ASIC2: variants seen among roughly 807,000 people sequenced by gnomAD.
ASIC2 encodes the protein acid-sensing ion channel 2.
ASIC2 carries 25 observed loss-of-function variants against 57.3 expected under a neutral mutation model. That is an observed-to-expected ratio of 0.44 (90% CI 0.32 to 0.61). ASIC2 has a LOEUF of 0.61. Ranked by LOEUF, ASIC2 falls within the 20% of genes least tolerant of loss-of-function variation. The pLI is 0.06. For synonymous variants in ASIC2, 319 were observed against 307.5 expected (o/e 1.04, Z -0.39); for missense variants, 641 against 738.1 (o/e 0.87, Z 1.52).
chr17:33,739,900 AAG>A (rs1260230441), intron 1 of ASIC2, among the ~76,000 whole-genome samples: 2 of 151,300 alleles, frequency 1.3e-5, no homozygotes, highest in African/African-American at 4.8e-5. Context: ...GAAAAGAAAA[AAG>A]AGAAAGAAAG....
chr17:33,017,693 A>T lies in ASIC2; in HGVS notation c.1442-9T>A. The T allele has an allele frequency of 6.2e-7, 1 of 1,610,974 alleles. No homozygotes were observed. The highest frequency in any genetic ancestry group is 8.5e-7 in the Non-Finnish European group (1 of 1,177,354). ...CTGACCACCAATATCACCTGGAGAG[A>T]GAGGGAAAAGACCAAAGCTTTGCTT... On this transcript the variant is annotated splice_polypyrimidine_tract_variant and intron_variant, in intron 7 of 9. Coordinates refer to ENST00000225823, the MANE Select transcript of ASIC2 (RefSeq NM_183377.2).
chr17:33,198,102 C>T (rs1472239648), intron 1 of ASIC2, among the ~76,000 whole-genome samples: 2 of 152,172 alleles, frequency 1.3e-5, no homozygotes, highest in Non-Finnish European at 2.9e-5. Context: ...GTAATCCCAG[C>T]ACTTTGGGAG....
chr17:34,033,002 C>T (rs1315835324), intron 1 of ASIC2, among the ~76,000 whole-genome samples: 1 of 152,216 alleles, frequency 6.6e-6, no homozygotes, highest in Non-Finnish European at 1.5e-5. Context: ...CTCAGCTCTG[C>T]ACCAAGCGGA....
intron 1 of ASIC2, among the ~76,000 whole-genome samples, chr17:34,012,499 G>A (rs1225117477): frequency 6.6e-6 from 1 of 152,060 alleles, no homozygotes; most frequent in East Asian, 1.9e-4. Flanking sequence ...TGTGATTCTT[G>A]GTCTGCTTTA....
intron 1 of ASIC2, among the ~76,000 whole-genome samples, chr17:33,393,839 G>A (rs1188981183): frequency 6.6e-6 from 1 of 152,166 alleles, no homozygotes; most frequent in African/African-American, 2.4e-5. Flanking sequence ...CTTGACTGAG[G>A]CCATATGTTG....
chr17:33,703,296 C>T (rs1418801943), intron 1 of ASIC2, among the ~76,000 whole-genome samples: 1 of 150,324 alleles, frequency 6.7e-6, no homozygotes, highest in African/African-American at 2.5e-5. Flanking sequence ...AAAATAGAGA[C>T]TCTTTGGTAG....
intron 1 of ASIC2, among the ~76,000 whole-genome samples, chr17:33,359,787 A>T (rs1369445307): frequency 6.6e-6 from 1 of 152,128 alleles, no homozygotes; most frequent in Non-Finnish European, 1.5e-5. Context: ...GTGATGGGTG[A>T]TGCTCCAGCA....
At chr17:33,059,774 C>G (rs1332933051) in intron 3 of ASIC2, among the ~76,000 whole-genome samples, 2 of 152,250 alleles carry the variant, frequency 1.3e-5, no homozygotes, top group Non-Finnish European at 2.9e-5. Context: ...ACAGTCCCAT[C>G]AACAGTGTAA....
intron 1 of ASIC2, among the ~76,000 whole-genome samples, chr17:33,187,445 G>C (rs1333914599): frequency 6.6e-6 from 1 of 152,032 alleles, no homozygotes; most frequent in Non-Finnish European, 1.5e-5. Flanking sequence ...TACACTATAG[G>C]AACAAACAAG....
At chr17:33,949,536 G>A (rs1173450392) in intron 1 of ASIC2, among the ~76,000 whole-genome samples, 2 of 152,138 alleles carry the variant, frequency 1.3e-5, no homozygotes, top group Admixed American at 1.3e-4. Context: ...TGCTTTGGAT[G>A]TCTATGATTT....
intron 1 of ASIC2, chr17:34,071,955 T>G (rs1050036439): frequency 9.2e-5 from 14 of 152,236 alleles, no homozygotes; most frequent in African/African-American, 3.4e-4. Context: ...AAAAGTCACA[T>G]GGCAGGCGCA....
intron 1 of ASIC2, among the ~76,000 whole-genome samples, chr17:33,940,892 A>G (rs923226094): frequency 6.6e-6 from 1 of 152,198 alleles, no homozygotes; most frequent in African/African-American, 2.4e-5. Flanking sequence ...TCCCTAGAAA[A>G]CAGAAAGAAA....
intron 1 of ASIC2, among the ~76,000 whole-genome samples, chr17:33,126,223 C>G (rs767062718): frequency 1.4e-4 from 22 of 152,170 alleles, no homozygotes; most frequent in Non-Finnish European, 2.8e-4. Flanking sequence ...AGAGCACAGG[C>G]TTTTTTACTG....
At chr17:33,469,232 C>T (rs1309458041) in intron 1 of ASIC2, among the ~76,000 whole-genome samples, 1 of 152,164 alleles carries the variant, frequency 6.6e-6, no homozygotes, top group Non-Finnish European at 1.5e-5. Context: ...AGCGTCGAGA[C>T]CCATGGAGCA....
At chr17:33,728,759 T>A (rs1182219674) in intron 1 of ASIC2, among the ~76,000 whole-genome samples, 1 of 152,010 alleles carries the variant, frequency 6.6e-6, no homozygotes, top group East Asian at 1.9e-4. Flanking sequence ...CAGAGTAGAT[T>A]GAGTTGGGAA....
chr17:33,371,728 A>C (rs1209899967), intron 1 of ASIC2, among the ~76,000 whole-genome samples: 1 of 152,166 alleles, frequency 6.6e-6, no homozygotes, highest in Non-Finnish European at 1.5e-5. Flanking sequence ...GGGTGAAAAT[A>C]AAAGAGAAAA....
At chr17:33,428,213 A>G (rs1173424377) in intron 1 of ASIC2, among the ~76,000 whole-genome samples, 1 of 152,142 alleles carries the variant, frequency 6.6e-6, no homozygotes, top group East Asian at 1.9e-4. Flanking sequence ...AATTTGCTAT[A>G]TAGTATTAGA....
At chr17:33,547,530 C>G (rs1399734451) in intron 1 of ASIC2, among the ~76,000 whole-genome samples, 1 of 152,112 alleles carries the variant, frequency 6.6e-6, no homozygotes, top group East Asian at 1.9e-4. Context: ...AGTCTCTGGG[C>G]CATCACTCAG....
chr17:33,457,798 C>A (rs12947601), intron 1 of ASIC2, among the ~76,000 whole-genome samples: 7,190 of 152,230 alleles, frequency 0.047, 487 homozygotes, highest in African/African-American at 0.14. Context: ...TGAGATCAGT[C>A]ATGTTATTCT....
Sources: allele counts gnomAD v4.1 joint callset (sites outside exome capture counted in the v4.1 genomes callset), GRCh38; gene constraint gnomAD v4.1.1; transcripts MANE v1.5; gene names NCBI Gene and HGNC (gene_info 2026-07-23, HGNC 2026-07-21).